Variants in CRACR2A observed in about 807,000 individuals in gnomAD.
CRACR2A encodes the protein EF-hand calcium-binding domain-containing protein 4B.
A neutral mutation model predicts 90.5 loss-of-function variants in CRACR2A; 79 were observed. The ratio of observed to expected loss-of-function variants is 0.87; its 90% CI spans 0.73 to 1.05. The LOEUF is 1.05. Among genes scored for constraint, CRACR2A ranks in the 50% least tolerant of loss-of-function variants. The pLI is 0.00. For missense variants in CRACR2A, 823 were observed against 897.2 expected, an observed-to-expected ratio of 0.92 and a Z score of 1.06; for synonymous variants, 338 against 356.7, an observed-to-expected ratio of 0.95 and a Z score of 0.59.
Position 3,637,725 on chromosome 12 carries a change from G to A in CRACR2A, c.1602+399C>T, listed in dbSNP as rs1239379695. ...AGGATTAGTTTAGATTGTATGACCC[G>A]ACCCCGGCCAATGGGGAAGGACTTG... On this transcript the variant is annotated intron_variant, in intron 14 of 19. Coordinates refer to ENST00000440314, the MANE Select transcript of CRACR2A (RefSeq NM_001144958.2). 2.6e-5 allele frequency among the ~76,000 whole-genome samples: 4 copies of A among 151,888 alleles called. No homozygotes were observed. In the East Asian group the frequency reaches 5.8e-4, roughly 22 times the overall value.
Position 3,633,532 on chromosome 12 carries a change from C to G in CRACR2A, c.1735+72G>C. ...TCCCATGGGCTTCTAACGCTCCCTG[C>G]CCCGGGCCCCCTTCTCACAAACTCC... is the stretch of plus-strand genomic sequence containing the variant. On this transcript the variant is annotated intron_variant, in intron 15 of 19. Transcript: ENST00000440314. The surrounding 1 kb of genome is among the most constrained non-coding windows in gnomAD (Gnocchi z 4.5). 1 of 1,541,120 alleles carries G rather than the reference C, an allele frequency of 6.5e-7. No homozygotes were observed. Among genetic ancestry groups the G allele is most frequent in the Non-Finnish European group, 8.8e-7 (1 of 1,139,872 alleles).
chr12:3,642,773 A>C (rs1944596979), intron 12 of CRACR2A, among the ~76,000 whole-genome samples: 1 of 152,178 alleles, frequency 6.6e-6, no homozygotes, highest in Admixed American at 6.5e-5. Context: ...AGGGGTTTAC[A>C]ACCCCCTTTG....
chr12:3,656,512 T>C, intron 8 of CRACR2A, 106 bp from the exon 9 acceptor site: 1 of 961,340 alleles, frequency 1.0e-6, no homozygotes, highest in Non-Finnish European at 1.6e-6. Context: ...GCCCATCCTA[T>C]TAGACCATGG....
intron 10 of CRACR2A, 31 bp from the exon 11 acceptor site, chr12:3,648,644 C>T (rs1944737677): frequency 6.3e-7 from 1 of 1,598,076 alleles, no homozygotes. Flanking sequence ...TGGCAGTGAG[C>T]TCCCAGGTGG....
intron 1 of CRACR2A, among the ~76,000 whole-genome samples, chr12:3,743,336 TA>T (rs2137905875): frequency 6.6e-6 from 1 of 152,356 alleles, no homozygotes; most frequent in East Asian, 1.9e-4. Context: ...CGAAGTACTA[TA>T]TCAGACTTTT....
At chr12:3,750,359 C>T (rs1433908571) in intron 1 of CRACR2A, among the ~76,000 whole-genome samples, 1 of 152,186 alleles carries the variant, frequency 6.6e-6, no homozygotes, top group Non-Finnish European at 1.5e-5. Context: ...CACTCACTAA[C>T]AGCTGACAAA....
intron 2 of CRACR2A, among the ~76,000 whole-genome samples, chr12:3,718,936 C>G (rs558097090): frequency 1.1e-4 from 16 of 152,292 alleles, no homozygotes; most frequent in Middle Eastern, 3.4e-3. Flanking sequence ...ACAGGAACAA[C>G]TCCTGGACTC....
intron 1 of CRACR2A, among the ~76,000 whole-genome samples, chr12:3,748,841 T>C (rs933284436): frequency 3.9e-5 from 6 of 152,198 alleles, no homozygotes; most frequent in East Asian, 1.9e-4. Flanking sequence ...AATTTGTTTA[T>C]GTCATCCGGA....
At chr12:3,671,885 G>A (rs74367586) in intron 7 of CRACR2A, among the ~76,000 whole-genome samples, 25,754 of 152,210 alleles carry the variant, frequency 0.17, 2,635 homozygotes, top group East Asian at 0.41. Flanking sequence ...CTATCTTACA[G>A]ATAAGGAAGC....
chr12:3,668,697 G>A (rs1945189462), intron 7 of CRACR2A, among the ~76,000 whole-genome samples: 1 of 150,594 alleles, frequency 6.6e-6, no homozygotes, highest in Non-Finnish European at 1.5e-5. Context: ...GCTTGTGTGG[G>A]TGTGCAGGCC....
At chr12:3,626,455 G>T (rs1194120040) in intron 17 of CRACR2A, among the ~76,000 whole-genome samples, 1 of 152,210 alleles carries the variant, frequency 6.6e-6, no homozygotes, top group Non-Finnish European at 1.5e-5. Context: ...GCAATTTGTT[G>T]CAGCATGATA....
At chr12:3,670,617 T>A (rs1161912994) in intron 7 of CRACR2A, among the ~76,000 whole-genome samples, 1 of 152,178 alleles carries the variant, frequency 6.6e-6, no homozygotes, top group Non-Finnish European at 1.5e-5. Context: ...GTGACCCACC[T>A]TTTTTTAAAA....
rs574547133 is a variant in CRACR2A at position 3,691,976 on chromosome 12, G to C, written c.228+4796C>G. Among the ~76,000 whole-genome samples, 154 of 152,272 alleles carry C rather than the reference G, an allele frequency of 1.0e-3. 1 individual carries two copies. The highest frequency in any genetic ancestry group is 3.5e-3 in the African/African-American group (147 of 41,550). On this transcript the variant is annotated intron_variant, in intron 4 of 19. Transcript: ENST00000440314. ...GTGATTGAATCATGAAATTCTTGTA[G>C]TGTAGTTTTTCAGATCTATCTGGTC...
At chr12:3,698,411 G>T (rs1224354800) in intron 3 of CRACR2A, among the ~76,000 whole-genome samples, 1 of 152,226 alleles carries the variant, frequency 6.6e-6, no homozygotes, top group Non-Finnish European at 1.5e-5. Flanking sequence ...CTCAGGCTCA[G>T]CTATACCATG....
chr12:3,616,213 T>C (rs1867678884), intron 19 of CRACR2A, among the ~76,000 whole-genome samples: 1 of 152,160 alleles, frequency 6.6e-6, no homozygotes, highest in African/African-American at 2.4e-5. Context: ...CATAGAGGAG[T>C]TGTTCTGGGC....
intron 4 of CRACR2A, among the ~76,000 whole-genome samples, chr12:3,695,559 A>G (rs1288413635): frequency 6.6e-6 from 1 of 152,214 alleles, no homozygotes; most frequent in East Asian, 1.9e-4. Context: ...TGGGTCACAC[A>G]GCTCCTTTCA....
chr12:3,734,008 T>C (rs1946404221), intron 1 of CRACR2A, among the ~76,000 whole-genome samples: 1 of 142,248 alleles, frequency 7.0e-6, no homozygotes, highest in African/African-American at 2.6e-5. Flanking sequence ...TCTCGCTCTG[T>C]CGCCCAGGCT....
At position 3,696,925 on chromosome 12, in the gene CRACR2A, C is replaced by G; in HGVS notation, c.75G>C (p.Gly25=). 2 of 1,614,170 alleles carry G rather than the reference C, an allele frequency of 1.2e-6. No individual in the cohort carries two copies. The highest frequency in any genetic ancestry group is 1.7e-6 in the Non-Finnish European group (2 of 1,180,000). The change falls in exon 4 of 20, where the codon GGG becomes GGC. Residue 25 remains glycine, a synonymous_variant. Transcript: ENST00000440314. ...LGQGSGQGPK[G]SGACLHPLDS... is the part of the protein sequence containing the mutation. Reference sequence around the variant, plus strand: ...CCAGGGGATGCAGGCAGGCTCCACTCCCCTTTGGCCCCTGGCCAGACCCCT... The same window carrying G: ...CCAGGGGATGCAGGCAGGCTCCACTGCCCTTTGGCCCCTGGCCAGACCCCT...
At chr12:3,646,567 C>T (rs557155126) in intron 11 of CRACR2A, among the ~76,000 whole-genome samples, 1 of 152,304 alleles carries the variant, frequency 6.6e-6, no homozygotes, top group Admixed American at 6.5e-5. Flanking sequence ...TTTCAGTTAC[C>T]TGCATGAGGT....
Sources: gnomAD v4.1 joint callset for allele counts (sites outside exome capture counted in the v4.1 genomes callset) on GRCh38, gnomAD v4.1.1 for gene constraint, Gnocchi (gnomAD v3.1) non-coding constraint, MANE v1.5 for transcripts, NCBI Gene and HGNC (gene_info 2026-07-23, HGNC 2026-07-21) for gene names.